The following CCDC141 variants were observed in gnomAD, a reference collection of about 807,000 sequenced individuals.
CCDC141 encodes coiled-coil domain containing 141, also known as coiled-coil domain-containing protein 141.
In CCDC141, 168 loss-of-function variants were observed where a neutral mutation model predicts 181.0. The observed-to-expected ratio is 0.93, with a 90% CI of 0.82 to 1.05. The LOEUF (loss-of-function observed/expected upper bound fraction) is 1.05. CCDC141 is among the 50% of genes least tolerant of loss of function. The probability of loss-of-function intolerance (pLI) is 0.00; values close to 1 mark genes in which losing one functional copy is unlikely to be tolerated. For synonymous variants in CCDC141, 666 were observed against 642.3 expected, an observed-to-expected ratio of 1.04 and a Z score of -0.56; for missense variants, 1,902 against 1,788.5, an observed-to-expected ratio of 1.06 and a Z score of -1.14.
rs1482148846 is a variant in CCDC141 at position 178,944,541 on chromosome 2, T to A, written c.891A>T (p.Lys297Asn). The A allele has an allele frequency of 6.8e-7, 1 of 1,476,104 alleles. No individual in the cohort carries two copies. Among genetic ancestry groups the A allele is most frequent in the South Asian group, 1.3e-5 (1 of 76,716 alleles). 91.4% of individuals were successfully genotyped at this position (1,476,104 alleles called of 1,614,324 possible). A position where few individuals can be genotyped will look rare whatever the true frequency, so the allele number is the denominator to read the frequency against. Residue 297 changes from lysine to asparagine, a missense_variant, in exon 6 of 24, where the codon AAA (lysine) becomes AAT (asparagine). Physicochemically the swap from Lys to Asn is moderately conservative, Grantham distance 94 (BLOSUM62 0). Transcript: ENST00000443758. Reference sequence around the variant, plus strand: ...TGTCTAATATATCTCTTACCTTTGCTTTTATTATCAGTTCCTCTTGCTTAT... The same window carrying A: ...TGTCTAATATATCTCTTACCTTTGCATTTATTATCAGTTCCTCTTGCTTAT... Reference protein sequence around the residue: ...RIHKQEELIIKAKEWNSAVEK... With the variant: ...RIHKQEELIINAKEWNSAVEK...
At chr2:178,960,381 T>C (rs146417047) in intron 5 of CCDC141, among the ~76,000 whole-genome samples, 269 of 152,330 alleles carry the variant, frequency 1.8e-3, no homozygotes, top group Non-Finnish European at 2.9e-3. Context: ...CTTCCAGCTA[T>C]ATGAATGTCT....
chr2:178,989,322 A>G (rs990055452), intron 2 of CCDC141, among the ~76,000 whole-genome samples: 2 of 152,132 alleles, frequency 1.3e-5, no homozygotes, highest in Admixed American at 6.5e-5. Flanking sequence ...GGCTGGGCGC[A>G]GTGGCTCATG....
Position 178,853,373 on chromosome 2 carries a change from C to T in CCDC141, c.3244+68G>A, listed in dbSNP as rs1685246715. On this transcript the variant is annotated intron_variant, in intron 20 of 23. Transcript: ENST00000443758. ...TGAGGACTTGCCACACTCTTGCTGT[C>T]TACTGGATTAGGCTCAGTATAGATT... 46 of 1,417,120 alleles carry T rather than the reference C, an allele frequency of 3.2e-5. No homozygotes were observed. The South Asian group carries it at 5.4e-4, about 17-fold the overall frequency. The allele number at this position is 1,417,120 out of a possible 1,614,324, so 87.8% of individuals were successfully genotyped here.
At chr2:178,987,599 A>G (rs1691817262) in intron 2 of CCDC141, among the ~76,000 whole-genome samples, 1 of 151,086 alleles carries the variant, frequency 6.6e-6, no homozygotes, top group Non-Finnish European at 1.5e-5. Context: ...CAGAATCTAC[A>G]ATGAACTCCA....
intron 17 of CCDC141, among the ~76,000 whole-genome samples, chr2:178,864,849 C>T (rs941608345): frequency 2.0e-5 from 3 of 152,192 alleles, no homozygotes; most frequent in Non-Finnish European, 2.9e-5. Context: ...AAGTTTACTG[C>T]CTCCTTTTCC....
At chr2:178,874,248 A>G (rs1336454213) in intron 12 of CCDC141, 2 of 152,188 alleles carry the variant, frequency 1.3e-5, no homozygotes, top group Non-Finnish European at 2.9e-5. Flanking sequence ...TAACCAATAA[A>G]TTTCCTTAGT....
At chr2:179,047,233 G>T (rs2043526969) in intron 2 of CCDC141, 51 bp downstream of exon 2, 2 of 1,463,112 alleles carry the variant, frequency 1.4e-6, no homozygotes, top group South Asian at 3.0e-5. Context: ...ATAAGAAATA[G>T]TTTTTTATGT....
chr2:178,889,914 T>A (rs1262075899), intron 8 of CCDC141, among the ~76,000 whole-genome samples: 1 of 152,186 alleles, frequency 6.6e-6, no homozygotes, highest in Admixed American at 6.6e-5. Flanking sequence ...TAAGAAATAG[T>A]TCTTAACAAC....
At chr2:178,892,708 A>G (rs1365310828) in intron 8 of CCDC141, among the ~76,000 whole-genome samples, 2 of 152,028 alleles carry the variant, frequency 1.3e-5, no homozygotes, top group Non-Finnish European at 1.5e-5. Context: ...GTATGACCCC[A>G]CTCTTTGCCA....
At position 179,049,870 on chromosome 2, in the gene CCDC141, C is replaced by A. The variant is rs1241567602; in HGVS notation, c.72G>T (p.Gly24=). The change falls in exon 1 of 24, where the codon GGG becomes GGT. Residue 24 remains glycine, a synonymous_variant. Transcript: ENST00000443758. ...TGACAGCTATAACGATTTTGGAGTCCCCAGCCTGCACAGCAACTGAACTGA... is the reference window on the plus strand; with the variant it reads ...TGACAGCTATAACGATTTTGGAGTCACCAGCCTGCACAGCAACTGAACTGA... ...TTVSSVAVQA[G]DSKIVIAVIK... is the part of the protein sequence containing the mutation. 6.4e-7 allele frequency: 1 copy of A among 1,550,584 alleles called. No individual in the cohort carries two copies. The highest frequency in any genetic ancestry group is 8.7e-7 in the Non-Finnish European group (1 of 1,146,954).
chr2:178,817,583 T>C, the CCDC141 span: 1 of 471,098 alleles, frequency 2.1e-6, no homozygotes, highest in South Asian at 1.5e-5. Flanking sequence ...CACATGGTCC[T>C]GATCTTCTGG....
At chr2:178,824,667 G>A in the CCDC141 span, among the ~76,000 whole-genome samples, 1 of 138,252 alleles carries the variant, frequency 7.2e-6, no homozygotes, top group Non-Finnish European at 1.5e-5. Context: ...CTGAGGACCA[G>A]CCCCTGTACC....
chr2:178,892,488 C>A (rs1687203022), intron 8 of CCDC141, among the ~76,000 whole-genome samples: 1 of 152,098 alleles, frequency 6.6e-6, no homozygotes, highest in Non-Finnish European at 1.5e-5. Flanking sequence ...CCATCACATT[C>A]CCAGTCCTAG....
intron 4 of CCDC141, among the ~76,000 whole-genome samples, chr2:178,966,527 CCTGA>C (rs1170427792): frequency 6.6e-6 from 1 of 152,132 alleles, no homozygotes; most frequent in East Asian, 1.9e-4. Context: ...AGCAGAGGGG[CCTGA>C]CTGTCAGAAG....
At chr2:178,862,367 G>C (rs990682131) in intron 17 of CCDC141, among the ~76,000 whole-genome samples, 1 of 152,184 alleles carries the variant, frequency 6.6e-6, no homozygotes, top group Non-Finnish European at 1.5e-5. Flanking sequence ...TCTGTAATAT[G>C]AGCCTCGAGT....
intron 2 of CCDC141, among the ~76,000 whole-genome samples, chr2:179,008,149 T>C (rs2042165493): frequency 6.6e-6 from 1 of 152,220 alleles, no homozygotes. Flanking sequence ...CTTTAGGCTA[T>C]ATGTATCTCT....
intron 12 of CCDC141, chr2:178,877,506 T>C (rs1049130253): frequency 1.7e-5 from 3 of 171,704 alleles, no homozygotes; most frequent in African/African-American, 7.2e-5. Flanking sequence ...CAGATATAAT[T>C]CAAGACAGTT....
At chr2:178,913,659 A>G (rs568554152) in intron 7 of CCDC141, among the ~76,000 whole-genome samples, 1 of 152,354 alleles carries the variant, frequency 6.6e-6, no homozygotes, top group Non-Finnish European at 1.5e-5. Flanking sequence ...CTTAAAGGAC[A>G]TTAATGTTTC....
At chr2:179,048,698 G>A (rs1228845562) in intron 1 of CCDC141, among the ~76,000 whole-genome samples, 2 of 152,094 alleles carry the variant, frequency 1.3e-5, no homozygotes, top group African/African-American at 2.4e-5. Flanking sequence ...TCCTCTCTGG[G>A]ACTCTGAAAA....
Sources: gnomAD v4.1 joint callset for allele counts (sites outside exome capture counted in the v4.1 genomes callset) on GRCh38, gnomAD v4.1.1 for gene constraint, MANE v1.5 for transcripts, NCBI Gene and HGNC (gene_info 2026-07-23, HGNC 2026-07-21) for gene names.